The following SLAMF8 variants were observed in gnomAD, a reference collection of about 807,000 sequenced individuals.
SLAMF8 encodes the protein SLAM family member 8, also known as B lymphocyte activator macrophage expressed.
A neutral mutation model predicts 29.0 loss-of-function variants in SLAMF8; 23 were observed. The ratio of observed to expected loss-of-function variants is 0.79; its 90% CI spans 0.57 to 1.13. The LOEUF is 1.13. SLAMF8 is among the 50% of genes most tolerant of loss of function. The pLI is 0.00. For missense variants in SLAMF8, 381 were observed against 353.1 expected, an observed-to-expected ratio of 1.08 and a Z score of -0.63; for synonymous variants, 139 against 145.6, an observed-to-expected ratio of 0.96 and a Z score of 0.32.
At chr1:159,829,817 G>T (rs1222886314) in intron 1 of SLAMF8, 49 bp from the exon 2 acceptor site, 2 of 1,545,912 alleles carry the variant, frequency 1.3e-6, no homozygotes, top group Non-Finnish European at 1.7e-6. Flanking sequence ...TGCAAAGAAG[G>T]ATGAGGAGTG....
At chr1:159,829,374 C>G (rs1006427493) in intron 1 of SLAMF8, among the ~76,000 whole-genome samples, 3 of 152,224 alleles carry the variant, frequency 2.0e-5, no homozygotes, top group Non-Finnish European at 4.4e-5. Flanking sequence ...CTACTCCTCA[C>G]ACAGAGAACT....
intron 1 of SLAMF8, among the ~76,000 whole-genome samples, chr1:159,828,967 A>G (rs1033979608): frequency 1.3e-5 from 2 of 152,158 alleles, no homozygotes; most frequent in African/African-American, 4.8e-5. Context: ...CACAGAGAAT[A>G]ACATCCAGTG....
intron 1 of SLAMF8, among the ~76,000 whole-genome samples, chr1:159,828,160 A>C (rs964004529): frequency 1.3e-5 from 2 of 152,160 alleles, no homozygotes; most frequent in Non-Finnish European, 2.9e-5. Context: ...AATGGCCCTT[A>C]ATGATCAAAG....
In SLAMF8 at chr1:159,836,810, T is replaced by C; in HGVS notation, c.*1550T>C. 1 of 985,596 alleles carries C rather than the reference T, an allele frequency of 1.0e-6. No individual in the cohort carries two copies. Among genetic ancestry groups the C allele is most frequent in the Non-Finnish European group, 1.2e-6 (1 of 830,040 alleles). 61.1% of individuals were successfully genotyped at this position (985,596 alleles called of 1,614,324 possible). The stretch of plus-strand genomic sequence containing the variant: ...GTTCCCTGTTGGTAACCTGGCTTTA[T>C]CAAATTCTCATCCCTTTCCCACACC... On this transcript the variant is annotated 3_prime_UTR_variant, in exon 5 of 5. Coordinates refer to ENST00000289707, the MANE Select transcript of SLAMF8 (RefSeq NM_020125.3).
intron 1 of SLAMF8, among the ~76,000 whole-genome samples, chr1:159,827,170 G>A (rs1663674990): frequency 6.6e-6 from 1 of 152,200 alleles, no homozygotes; most frequent in Non-Finnish European, 1.5e-5. Context: ...TCTTATCTGT[G>A]AGACATGAGC....
rs978738041 is a variant in SLAMF8 at position 159,829,878 on chromosome 1, T to C, written c.53T>C (p.Ile18Thr). Reference protein sequence around the residue: ...SLLLWEALLPITVTGAQVLSK... With the variant: ...SLLLWEALLPTTVTGAQVLSK... Reference sequence around the variant, plus strand: ...TCTGTTCTTTCAGCCCTACTTCCCATTACAGTTACTGGTGCCCAAGTGCTG... The same window carrying C: ...TCTGTTCTTTCAGCCCTACTTCCCACTACAGTTACTGGTGCCCAAGTGCTG... The change falls in exon 2 of 5, where the codon ATT (isoleucine) becomes ACT (threonine). Residue 18 changes from isoleucine (I) to threonine (T), a missense_variant. Ile to Thr is a moderately conservative substitution (Grantham distance 89). Coordinates refer to ENST00000289707, the MANE Select transcript of SLAMF8 (RefSeq NM_020125.3). The C allele has an allele frequency of 2.5e-6, 4 of 1,610,016 alleles. No homozygotes were observed. In the African/African-American group the frequency reaches 5.3e-5, roughly 22 times the overall value.
rs1647954780 is a variant in SLAMF8 at position 159,836,535 on chromosome 1, T to C, written c.*1275T>C. 1 of 985,406 alleles carries C rather than the reference T, an allele frequency of 1.0e-6. No homozygotes were observed. The highest frequency in any genetic ancestry group is 1.2e-6 in the Non-Finnish European group (1 of 829,934). The allele number at this position is 985,406 out of a possible 1,614,324, so 61.0% of individuals were successfully genotyped here. On this transcript the variant is annotated 3_prime_UTR_variant, in exon 5 of 5. Transcript: ENST00000289707. ...AACTGGATTTTTTCTGGGGCCTCAA[T>C]CCAGTCTTGATAACAGCGAGGAAAG...
At chr1:159,832,141 T>G (rs572770411) in intron 2 of SLAMF8, among the ~76,000 whole-genome samples, 1 of 152,314 alleles carries the variant, frequency 6.6e-6, no homozygotes, top group South Asian at 2.1e-4. Flanking sequence ...GTTTGTTCAG[T>G]GACCAGATAT....
At chr1:159,829,758 G>A (rs1647330156) in intron 1 of SLAMF8, 108 bp from the exon 2 acceptor site, 16 of 1,167,882 alleles carry the variant, frequency 1.4e-5, no homozygotes, top group Non-Finnish European at 2.0e-5. Context: ...TTGAGTGGAG[G>A]GAATGTCAGT....
rs374425574 is a variant in SLAMF8, at chr1:159,833,291, C to T, written c.703C>T (p.Leu235=). 164 of 1,614,072 alleles carry T rather than the reference C, an allele frequency of 1.0e-4. No homozygotes were observed. Among genetic ancestry groups the T allele is most frequent in the Middle Eastern group, 1.6e-4 (1 of 6,084 alleles). Residue 235 remains leucine (L), a synonymous_variant, in exon 4 of 5, where the codon CTG becomes TTG. Coordinates refer to ENST00000289707, the MANE Select transcript of SLAMF8 (RefSeq NM_020125.3). ...APGKASYKDV[L]LVVVPVSLLL... is the part of the protein sequence containing the mutation. ...AGGGAAGGCCTCCTACAAAGATGTG[C>T]TGCTGGTGGTGGTGCCTGTCTCGCT... is the stretch of plus-strand genomic sequence containing the variant.
intron 4 of SLAMF8, among the ~76,000 whole-genome samples, chr1:159,834,136 C>T (rs571156394): frequency 2.6e-5 from 4 of 152,334 alleles, no homozygotes; most frequent in East Asian, 1.9e-4. Context: ...AAGAACTACC[C>T]GACTGACCAG....
intron 1 of SLAMF8, among the ~76,000 whole-genome samples, chr1:159,827,229 T>A (rs1182506901): frequency 6.6e-6 from 1 of 152,098 alleles, no homozygotes; most frequent in African/African-American, 2.4e-5. Context: ...GTGATACTGC[T>A]GGTTTGGAGA....
At position 159,837,072 on chromosome 1, in the gene SLAMF8, C is replaced by T. The variant is rs76642890; in HGVS notation, c.*1812C>T. The T allele has an allele frequency of 2.9e-3, 2,863 of 985,400 alleles. 69 individuals are homozygous for T. In the African/African-American group the frequency reaches 0.044, roughly 15 times the overall value. 61.0% of individuals were successfully genotyped at this position (985,400 alleles called of 1,614,324 possible). A position where few individuals can be genotyped will look rare whatever the true frequency, so the allele number is the denominator to read the frequency against. On this transcript the variant is annotated 3_prime_UTR_variant, in exon 5 of 5. Transcript: ENST00000289707. ...TACACAGCACTCCCCACCTTTCTTT[C>T]GTTCATCTCCAGGGCCCCACCTCAG...
intron 2 of SLAMF8, 35 bp downstream of exon 2, chr1:159,830,227 T>C (rs1172529353): frequency 5.9e-6 from 9 of 1,529,880 alleles, no homozygotes; most frequent in Non-Finnish European, 7.9e-6. Context: ...CTGGCCCTCT[T>C]CCCCCACAAA....
rs1377529162 is a variant in SLAMF8 at position 159,829,863 on chromosome 1, C to T, written c.41-3C>T. 1.3e-6 allele frequency: 2 copies of T among 1,596,462 alleles called. No homozygotes were observed. The highest frequency in any genetic ancestry group is 2.2e-5 in the East Asian group (1 of 44,664). The stretch of plus-strand genomic sequence containing the variant: ...AGAGTGACCAGGGGCTCTGTTCTTT[C>T]AGCCCTACTTCCCATTACAGTTACT... On this transcript the variant is annotated splice_region_variant and splice_polypyrimidine_tract_variant and intron_variant, in intron 1 of 4. Transcript: ENST00000289707.
At chr1:159,828,033 C>CA (rs1464034321) in intron 1 of SLAMF8, among the ~76,000 whole-genome samples, 3 of 152,112 alleles carry the variant, frequency 2.0e-5, no homozygotes, top group Admixed American at 6.5e-5. Flanking sequence ...AGGGTTTCAT[C>CA]ATGTTGACCA....
intron 1 of SLAMF8, among the ~76,000 whole-genome samples, chr1:159,828,435 G>C (rs1663764154): frequency 6.6e-6 from 1 of 152,332 alleles, no homozygotes; most frequent in East Asian, 1.9e-4. Flanking sequence ...GAATTATCAT[G>C]GCCGACTGAG....
rs900126731 is a variant in SLAMF8 at position 159,835,102 on chromosome 1, G to T, written c.782-82G>T. ...GGTGACCTTGGGCTAACACACTGAG[G>T]ATTCAGAGGCCTGCAGGCAGGCCAA... On this transcript the variant is annotated intron_variant, in intron 4 of 4. Transcript: ENST00000289707. 10 of 1,345,636 alleles carry T rather than the reference G, an allele frequency of 7.4e-6. No individual in the cohort carries two copies. The South Asian group carries it at 1.3e-4, about 18-fold the overall frequency. 83.4% of individuals were successfully genotyped at this position (1,345,636 alleles called of 1,614,324 possible).
In SLAMF8 at chr1:159,835,078, G is replaced by A. The variant is rs1181743512; in HGVS notation, c.782-106G>A. ...CAGGAGAAATGTTCCTTTACCTAAG[G>A]TGACCTTGGGCTAACACACTGAGGA... On this transcript the variant is annotated intron_variant, in intron 4 of 4. Transcript: ENST00000289707. The A allele has an allele frequency of 3.0e-6, 3 of 1,006,500 alleles. No homozygotes were observed. In the African/African-American group the frequency reaches 4.9e-5, roughly 16 times the overall value. The allele number at this position is 1,006,500 out of a possible 1,614,324, so 62.3% of individuals were successfully genotyped here. A position where few individuals can be genotyped will look rare whatever the true frequency, so the allele number is the denominator to read the frequency against.
Sources: allele counts gnomAD v4.1 joint callset (sites outside exome capture counted in the v4.1 genomes callset), GRCh38; gene constraint gnomAD v4.1.1; transcripts MANE v1.5; gene names NCBI Gene and HGNC (gene_info 2026-07-23, HGNC 2026-07-21).